The following LCE1C variants were observed in gnomAD, a reference collection of about 807,000 sequenced individuals.
The protein encoded by LCE1C is late cornified envelope protein 1C.
A neutral mutation model predicts 0.7 loss-of-function variants in LCE1C; 1 was observed. That is an observed-to-expected ratio of 1.44 (90% CI 0.51 to 6.83). The LOEUF (loss-of-function observed/expected upper bound fraction) is 6.83, where lower values mean the gene tolerates loss of function less well. Among genes scored for constraint, LCE1C ranks in the 30% most tolerant of loss-of-function variants. The pLI, the probability that LCE1C is intolerant of heterozygous loss-of-function variation, is 0.14. For missense variants in LCE1C, 136 were observed against 149.6 expected (o/e 0.91, Z 0.48); for synonymous variants, 72 against 57.9 (o/e 1.24, Z -1.10).
intron 1 of LCE1C, among the ~76,000 whole-genome samples, chr1:152,806,104 C>T (rs887477742): frequency 5.9e-5 from 9 of 152,178 alleles, no homozygotes; most frequent in African/African-American, 1.9e-4. Context: ...CATCACGCAA[C>T]GGCCTCACAG....
intron 1 of LCE1C, among the ~76,000 whole-genome samples, chr1:152,806,202 G>A (rs184351116): frequency 7.9e-5 from 12 of 152,266 alleles, no homozygotes; most frequent in Non-Finnish European, 1.5e-4. Context: ...AGATAAGTGA[G>A]TTTCAAAAAG....
At position 152,805,272 on chromosome 1, in the gene LCE1C, A is replaced by G; in HGVS notation, c.207T>C (p.Ser69=). 1 of 1,613,804 alleles carries G rather than the reference A, an allele frequency of 6.2e-7. No homozygotes were observed. The change falls in exon 2 of 2, where the codon AGT becomes AGC. Residue 69 remains serine (S), a synonymous_variant. Transcript: ENST00000607093. ...SCGSSSGGCC[S]SGGGGCCLSH... ...TCAGGCAGCAGCCACCTCCCCCAGA[A>G]CTGCAGCATCCCCCAGAGCTGGAGC... is the stretch of plus-strand genomic sequence containing the variant.
intron 1 of LCE1C, among the ~76,000 whole-genome samples, chr1:152,806,100 G>T (rs4845488): frequency 1.3e-5 from 2 of 151,890 alleles, no homozygotes; most frequent in African/African-American, 4.8e-5. Flanking sequence ...TATTCATCAC[G>T]CAACGGCCTC....
In LCE1C at chr1:152,805,100, T is replaced by C. The variant is rs1652290596; in HGVS notation, c.*22A>G. 1 of 1,560,626 alleles carries C rather than the reference T, an allele frequency of 6.4e-7. No homozygotes were observed. The highest frequency in any genetic ancestry group is 1.4e-5 in the African/African-American group (1 of 73,308). On this transcript the variant is annotated 3_prime_UTR_variant, in exon 2 of 2. Transcript: ENST00000607093. ...GGCAGTTTGCGGTCCTGGATTCTGCTCTTCTAGGCTCAGGGTCCACTTCAG... is the reference window on the plus strand; with the variant it reads ...GGCAGTTTGCGGTCCTGGATTCTGCCCTTCTAGGCTCAGGGTCCACTTCAG...
In LCE1C at chr1:152,805,025, G is replaced by T; in HGVS notation, c.*97C>A. 7.1e-7 allele frequency: 1 copy of T among 1,405,386 alleles called. No individual in the cohort carries two copies. The highest frequency in any genetic ancestry group is 9.7e-7 in the Non-Finnish European group (1 of 1,033,758). 87.1% of individuals were successfully genotyped at this position (1,405,386 alleles called of 1,614,324 possible). A position where few individuals can be genotyped will look rare whatever the true frequency, so the allele number is the denominator to read the frequency against. ...CTTGGCAAGTTCAGAGCTTTCCCTT[G>T]GACCTGTGAGCCTCTCAGGCAGGCC... On this transcript the variant is annotated 3_prime_UTR_variant, in exon 2 of 2. Coordinates refer to ENST00000607093, the MANE Select transcript of LCE1C (RefSeq NM_178351.4).
intron 1 of LCE1C, among the ~76,000 whole-genome samples, chr1:152,806,384 C>T (rs933075762): frequency 6.6e-6 from 1 of 152,176 alleles, no homozygotes; most frequent in East Asian, 1.9e-4. Flanking sequence ...TAAAACTCAA[C>T]TAGCTGAAGC....
rs763804320 is a variant in LCE1C at position 152,805,423 on chromosome 1, T to C, written c.56A>G (p.Lys19Arg). 6.2e-7 allele frequency: 1 copy of C among 1,613,578 alleles called. No homozygotes were observed. Among genetic ancestry groups the C allele is most frequent in the Non-Finnish European group, 8.5e-7 (1 of 1,179,812 alleles). The change falls in exon 2 of 2, where the codon AAG becomes AGG. Residue 19 changes from lysine to arginine, a missense_variant. Coordinates refer to ENST00000607093, the MANE Select transcript of LCE1C (RefSeq NM_178351.4). ...QCQPPPKCTP[K>R]CPPKCPTPKC... is the part of the protein sequence containing the mutation. Reference sequence around the variant, plus strand: ...TGGGGTGGGGCACTTGGGAGGGCACTTGGGGGTGCACTTGGGAGGGGGCTG... The same window carrying C: ...TGGGGTGGGGCACTTGGGAGGGCACCTGGGGGTGCACTTGGGAGGGGGCTG...
chr1:152,804,938 G>A lies in LCE1C; in HGVS notation c.*184C>T, dbSNP rs1652283627. On this transcript the variant is annotated 3_prime_UTR_variant, in exon 2 of 2. Coordinates refer to ENST00000607093, the MANE Select transcript of LCE1C (RefSeq NM_178351.4). ...GGGTAGCCACAAAGGTGAGGTCCAAGGCCAGTGAATGGAGATCCAGGAGAG... is the reference window on the plus strand; with the variant it reads ...GGGTAGCCACAAAGGTGAGGTCCAAAGCCAGTGAATGGAGATCCAGGAGAG... 1.3e-6 allele frequency: 1 copy of A among 763,566 alleles called. No individual in the cohort carries two copies. The highest frequency in any genetic ancestry group is 2.2e-6 in the Non-Finnish European group (1 of 462,278). 47.3% of individuals were successfully genotyped at this position (763,566 alleles called of 1,614,324 possible).
rs922955940 is a variant in LCE1C, at chr1:152,806,603, G to A, written c.-23C>T. 6.6e-6 allele frequency: 1 copy of A among 152,454 alleles called. No homozygotes were observed. Among genetic ancestry groups the A allele is most frequent in the African/African-American group, 2.4e-5 (1 of 41,432 alleles). The allele number at this position is 152,454 out of a possible 1,614,324, so 9.4% of individuals were successfully genotyped here. A position where few individuals can be genotyped will look rare whatever the true frequency, so the allele number is the denominator to read the frequency against. On this transcript the variant is annotated splice_region_variant and 5_prime_UTR_variant, in exon 1 of 2. Transcript: ENST00000607093. ...AACTATTCTCAAAGAACACTTACCG[G>A]GGTCACAGGCAGCACAGGGTCCTTC...
At position 152,805,152 on chromosome 1, in the gene LCE1C, C is replaced by T. The variant is rs779913339; in HGVS notation, c.327G>A (p.Gly109=). Residue 109 remains glycine, a synonymous_variant, in exon 2 of 2, where the codon GGG becomes GGA. Coordinates refer to ENST00000607093, the MANE Select transcript of LCE1C (RefSeq NM_178351.4). ...PSGGSSCCGG[G]SGQHSGGCC is the part of the protein sequence containing the mutation. ...AGCAGCCTCCAGAGTGCTGGCCACTCCCCCCGCCACAGCAGCTGGAGCCCC... is the reference window on the plus strand; with the variant it reads ...AGCAGCCTCCAGAGTGCTGGCCACTTCCCCCGCCACAGCAGCTGGAGCCCC... 1 of 1,609,346 alleles carries T rather than the reference C, an allele frequency of 6.2e-7. No homozygotes were observed. Among genetic ancestry groups the T allele is most frequent in the Non-Finnish European group, 8.5e-7 (1 of 1,177,542 alleles).
At chr1:152,805,968 G>C (rs113510459) in intron 1 of LCE1C, among the ~76,000 whole-genome samples, 2 of 152,158 alleles carry the variant, frequency 1.3e-5, no homozygotes, top group African/African-American at 4.8e-5. Flanking sequence ...ATTGTAAATG[G>C]TTTTGGAGAC....
At position 152,804,857 on chromosome 1, in the gene LCE1C, C is replaced by A; in HGVS notation, c.*265G>T. 1 of 483,550 alleles carries A rather than the reference C, an allele frequency of 2.1e-6. No individual in the cohort carries two copies. The highest frequency in any genetic ancestry group is 3.6e-6 in the Non-Finnish European group (1 of 276,604). 30.0% of individuals were successfully genotyped at this position (483,550 alleles called of 1,614,324 possible). A position where few individuals can be genotyped will look rare whatever the true frequency, so the allele number is the denominator to read the frequency against. ...TTCCTTGTTTTAGTCCTTTAATCAG[C>A]AGATGCACGCTGCAAATGACATTGA... On this transcript the variant is annotated 3_prime_UTR_variant, in exon 2 of 2. Coordinates refer to ENST00000607093, the MANE Select transcript of LCE1C (RefSeq NM_178351.4).
Position 152,804,961 on chromosome 1 carries a change from G to C in LCE1C, c.*161C>G. 1.1e-6 allele frequency: 1 copy of C among 882,068 alleles called. No homozygotes were observed. The highest frequency in any genetic ancestry group is 1.8e-6 in the Non-Finnish European group (1 of 562,428). 54.6% of individuals were successfully genotyped at this position (882,068 alleles called of 1,614,324 possible). ...AAGGCCAGTGAATGGAGATCCAGGA[G>C]AGGATCTGAGTTTCTGGACTCCAGG... On this transcript the variant is annotated 3_prime_UTR_variant, in exon 2 of 2. Transcript: ENST00000607093.
rs928799216 is a variant in LCE1C, at chr1:152,804,921, A to G, written c.*201T>C. The G allele has an allele frequency of 7.3e-6, 5 of 680,612 alleles. No homozygotes were observed. The highest frequency in any genetic ancestry group is 1.3e-5 in the Non-Finnish European group (5 of 398,576). 42.2% of individuals were successfully genotyped at this position (680,612 alleles called of 1,614,324 possible). A position where few individuals can be genotyped will look rare whatever the true frequency, so the allele number is the denominator to read the frequency against. On this transcript the variant is annotated 3_prime_UTR_variant, in exon 2 of 2. Transcript: ENST00000607093. Reference sequence around the variant, plus strand: ...TTAGACAGAGCGTGGGAGGGTAGCCACAAAGGTGAGGTCCAAGGCCAGTGA... The same window carrying G: ...TTAGACAGAGCGTGGGAGGGTAGCCGCAAAGGTGAGGTCCAAGGCCAGTGA...
In LCE1C at chr1:152,804,944, T is replaced by C; in HGVS notation, c.*178A>G. Reference sequence around the variant, plus strand: ...CCACAAAGGTGAGGTCCAAGGCCAGTGAATGGAGATCCAGGAGAGGATCTG... The same window carrying C: ...CCACAAAGGTGAGGTCCAAGGCCAGCGAATGGAGATCCAGGAGAGGATCTG... On this transcript the variant is annotated 3_prime_UTR_variant, in exon 2 of 2. Transcript: ENST00000607093. The C allele has an allele frequency of 1.3e-6, 1 of 794,572 alleles. No individual in the cohort carries two copies. Among genetic ancestry groups the C allele is most frequent in the Non-Finnish European group, 2.0e-6 (1 of 488,444 alleles). The allele number at this position is 794,572 out of a possible 1,614,324, so 49.2% of individuals were successfully genotyped here.
chr1:152,805,471 C>A lies in LCE1C; in HGVS notation c.8G>T (p.Cys3Phe). MS[C>F]QQSQQQCQPP... ...CTGGCACTGCTGCTGGCTCTGCTGGCAGGACATCTTGGTGGCGGATTCAGG... is the reference window on the plus strand; with the variant it reads ...CTGGCACTGCTGCTGGCTCTGCTGGAAGGACATCTTGGTGGCGGATTCAGG... The change falls in exon 2 of 2, where the codon TGC (cysteine) becomes TTC (phenylalanine). Residue 3 changes from cysteine (C) to phenylalanine (F), a missense_variant. Transcript: ENST00000607093. The A allele has an allele frequency of 1.2e-6, 2 of 1,614,008 alleles. No individual in the cohort carries two copies. The highest frequency in any genetic ancestry group is 1.7e-6 in the Non-Finnish European group (2 of 1,179,902).
chr1:152,805,445 G>C lies in LCE1C; in HGVS notation c.34C>G (p.Pro12Ala). 5.0e-6 allele frequency: 8 copies of C among 1,614,016 alleles called. No homozygotes were observed. In the South Asian group the frequency reaches 5.5e-5, roughly 11 times the overall value. ...SCQQSQQQCQ[P>A]PPKCTPKCPP... ...CACTTGGGGGTGCACTTGGGAGGGGGCTGGCACTGCTGCTGGCTCTGCTGG... is the reference window on the plus strand; with the variant it reads ...CACTTGGGGGTGCACTTGGGAGGGGCCTGGCACTGCTGCTGGCTCTGCTGG... Residue 12 changes from proline (P) to alanine (A), a missense_variant, in exon 2 of 2, where the codon CCC becomes GCC. Physicochemically the swap from Pro to Ala is conservative, Grantham distance 27. Transcript: ENST00000607093.
Position 152,804,908 on chromosome 1 carries a change from T to C in LCE1C, c.*214A>G. 3.2e-6 allele frequency: 2 copies of C among 627,830 alleles called. No individual in the cohort carries two copies. The highest frequency in any genetic ancestry group is 5.8e-5 in the Admixed American group (2 of 34,646). The allele number at this position is 627,830 out of a possible 1,614,324, so 38.9% of individuals were successfully genotyped here. Reference sequence around the variant, plus strand: ...GTAAGCTAGGGGCTTAGACAGAGCGTGGGAGGGTAGCCACAAAGGTGAGGT... The same window carrying C: ...GTAAGCTAGGGGCTTAGACAGAGCGCGGGAGGGTAGCCACAAAGGTGAGGT... On this transcript the variant is annotated 3_prime_UTR_variant, in exon 2 of 2. Coordinates refer to ENST00000607093, the MANE Select transcript of LCE1C (RefSeq NM_178351.4).
chr1:152,805,097 T>A lies in LCE1C; in HGVS notation c.*25A>T, dbSNP rs999323258. ...CTTGGCAGTTTGCGGTCCTGGATTC[T>A]GCTCTTCTAGGCTCAGGGTCCACTT... On this transcript the variant is annotated 3_prime_UTR_variant, in exon 2 of 2. Coordinates refer to ENST00000607093, the MANE Select transcript of LCE1C (RefSeq NM_178351.4). The A allele has an allele frequency of 1.9e-6, 3 of 1,558,998 alleles. No individual in the cohort carries two copies. Among genetic ancestry groups the A allele is most frequent in the Non-Finnish European group, 1.7e-6 (2 of 1,154,972 alleles).
Sources: gnomAD v4.1 joint callset for allele counts (sites outside exome capture counted in the v4.1 genomes callset) on GRCh38, gnomAD v4.1.1 for gene constraint, MANE v1.5 for transcripts, NCBI Gene and HGNC (gene_info 2026-07-23, HGNC 2026-07-21) for gene names.